The following GRID1 variants were observed in gnomAD, a reference collection of about 807,000 sequenced individuals.
GRID1 encodes glutamate receptor ionotropic, delta-1.
Under a neutral mutation model 98.0 loss-of-function variants are expected in GRID1, and 28 were observed. The ratio of observed to expected loss-of-function variants is 0.29; its 90% CI spans 0.21 to 0.39. GRID1 has a LOEUF of 0.39. Among genes scored for constraint, GRID1 ranks in the 10% least tolerant of loss-of-function variants. The probability of loss-of-function intolerance (pLI) is 1.00; values close to 1 mark genes in which losing one functional copy is unlikely to be tolerated. For missense variants in GRID1, 1,111 were observed against 1,340.5 expected (o/e 0.83, Z 2.67); for synonymous variants, 553 against 538.5 (o/e 1.03, Z -0.37).
At chr10:85,730,402 T>C (rs1400291652) in intron 8 of GRID1, among the ~76,000 whole-genome samples, 1 of 152,178 alleles carries the variant, frequency 6.6e-6, no homozygotes, top group South Asian at 2.1e-4. Context: ...GAAACGATTC[T>C]CGACTATTAA....
chr10:85,687,244 TA>T lies in GRID1; in HGVS notation c.1997+35758del, dbSNP rs570422294. Among the ~76,000 whole-genome samples, 574 of 148,598 alleles carry T rather than the reference TA, an allele frequency of 3.9e-3. 2 individuals carry two copies. Among genetic ancestry groups the T allele is most frequent in the African/African-American group, 0.013 (528 of 40,618 alleles). On this transcript the variant is annotated intron_variant, in intron 12 of 15. Transcript: ENST00000327946. The stretch of plus-strand genomic sequence containing the variant: ...CTATTCATTGTTCCTCAAAGTCAAG[TA>T]AAAAAAAAAGTAATGATTTTATTAA...
intron 8 of GRID1, among the ~76,000 whole-genome samples, chr10:85,762,780 T>A (rs1842159138): frequency 6.6e-6 from 1 of 152,108 alleles, no homozygotes; most frequent in East Asian, 1.9e-4. Context: ...TCAACTCAGT[T>A]TGGAGCGTGG....
chr10:85,729,459 G>T (rs1459054477), intron 9 of GRID1, 54 bp downstream of exon 9: 5 of 1,018,472 alleles, frequency 4.9e-6, no homozygotes, highest in Non-Finnish European at 7.7e-6. Context: ...AGCAGCCTCT[G>T]ATTCAACAGC....
At chr10:86,102,882 G>C (rs1844319246) in intron 4 of GRID1, among the ~76,000 whole-genome samples, 1 of 152,118 alleles carries the variant, frequency 6.6e-6, no homozygotes, top group Admixed American at 6.5e-5. Flanking sequence ...TGAATCATGA[G>C]GGCAGGTTTT....
At chr10:86,306,507 AG>A (rs1734820415) in intron 2 of GRID1, among the ~76,000 whole-genome samples, 1 of 152,254 alleles carries the variant, frequency 6.6e-6, no homozygotes, top group Non-Finnish European at 1.5e-5. Flanking sequence ...ATTTCCAAGT[AG>A]AAACCTGTGG....
intron 8 of GRID1, among the ~76,000 whole-genome samples, chr10:85,775,049 C>A (rs1842315647): frequency 6.6e-6 from 1 of 152,088 alleles, no homozygotes. Context: ...AGGCACTATT[C>A]ACAATAGCAA....
chr10:85,693,619 G>A (rs1841357663), intron 12 of GRID1, among the ~76,000 whole-genome samples: 1 of 152,092 alleles, frequency 6.6e-6, no homozygotes, highest in Non-Finnish European at 1.5e-5. Context: ...AGAGAACATG[G>A]AAATAAAGCC....
chr10:86,338,650 C>T (rs892408477), intron 2 of GRID1, among the ~76,000 whole-genome samples: 8 of 152,098 alleles, frequency 5.3e-5, no homozygotes, highest in Non-Finnish European at 8.8e-5. Flanking sequence ...CTCCGCCTCC[C>T]GGGTTCAAAC....
rs76739576 is a variant in GRID1, at chr10:86,285,701, A to G, written c.235+78240T>C. ...TAGGTGCTGGTGTTGGCATGGCTGT[A>G]GGTCTAGGAATAGGTACAGATTAGA... On this transcript the variant is annotated intron_variant, in intron 2 of 15. Coordinates refer to ENST00000327946, the MANE Select transcript of GRID1 (RefSeq NM_017551.3). 4.3e-3 allele frequency among the ~76,000 whole-genome samples: 652 copies of G among 152,332 alleles called. 5 individuals are homozygous for G. The highest frequency in any genetic ancestry group is 0.015 in the African/African-American group (620 of 41,562).
chr10:85,920,966 C>T (rs780519673), intron 4 of GRID1, among the ~76,000 whole-genome samples: 8 of 152,336 alleles, frequency 5.3e-5, no homozygotes, highest in Admixed American at 2.0e-4. Flanking sequence ...CTCTAAATTG[C>T]TGTGAATCCC....
At chr10:86,030,050 G>C (rs998021597) in intron 4 of GRID1, among the ~76,000 whole-genome samples, 4 of 152,146 alleles carry the variant, frequency 2.6e-5, no homozygotes, top group Non-Finnish European at 5.9e-5. Flanking sequence ...GTAGAATTTT[G>C]CTTAATTCTT....
chr10:85,958,427 G>T lies in GRID1; in HGVS notation c.727-42188C>A, dbSNP rs145574753. 2.2e-3 allele frequency among the ~76,000 whole-genome samples: 339 copies of T among 152,246 alleles called. 2 individuals are homozygous for T. Among genetic ancestry groups the T allele is most frequent in the African/African-American group, 7.8e-3 (322 of 41,536 alleles). On this transcript the variant is annotated intron_variant, in intron 4 of 15. Transcript: ENST00000327946. ...TGTCTATTTGACTGGGCCACAGGGT[G>T]TCCAGACATTTGGCTGAATATTAAT... is the stretch of plus-strand genomic sequence containing the variant.
chr10:85,693,496 A>C (rs1179437188), intron 12 of GRID1, among the ~76,000 whole-genome samples: 4 of 152,200 alleles, frequency 2.6e-5, no homozygotes, highest in Non-Finnish European at 4.4e-5. Context: ...TTGGCTCATC[A>C]ACTGTAACAA....
intron 2 of GRID1, among the ~76,000 whole-genome samples, chr10:86,235,647 G>C (rs919722716): frequency 6.6e-6 from 1 of 152,130 alleles, no homozygotes; most frequent in African/African-American, 2.4e-5. Flanking sequence ...CATACAACAC[G>C]TAGTCTTCTG....
chr10:86,194,700 C>A (rs1485937025), intron 3 of GRID1, among the ~76,000 whole-genome samples: 1 of 152,148 alleles, frequency 6.6e-6, no homozygotes. Context: ...CCTTCCACAT[C>A]TTCCCACTCC....
At chr10:85,856,819 C>A (rs1035761086) in intron 6 of GRID1, among the ~76,000 whole-genome samples, 3 of 152,166 alleles carry the variant, frequency 2.0e-5, no homozygotes, top group Admixed American at 2.0e-4. Flanking sequence ...GCTGGCGGAT[C>A]CTTGGGTTAA....
At chr10:86,344,547 G>A (rs1848355747) in intron 2 of GRID1, among the ~76,000 whole-genome samples, 2 of 152,216 alleles carry the variant, frequency 1.3e-5, no homozygotes, top group Non-Finnish European at 2.9e-5. Context: ...GGCCGTGGTG[G>A]TCTAGCAATG....
intron 2 of GRID1, among the ~76,000 whole-genome samples, chr10:86,240,213 G>A (rs1846604944): frequency 6.6e-6 from 1 of 152,232 alleles, no homozygotes; most frequent in African/African-American, 2.4e-5. Flanking sequence ...AGGAAACTGT[G>A]GCTCAGAAGC....
chr10:85,966,482 C>A (rs1338411647), intron 4 of GRID1, among the ~76,000 whole-genome samples: 26 of 151,938 alleles, frequency 1.7e-4, no homozygotes. Flanking sequence ...TACAGAACCC[C>A]CAGGAAAGGG....
Sources: gnomAD v4.1 joint callset for allele counts (sites outside exome capture counted in the v4.1 genomes callset) on GRCh38, gnomAD v4.1.1 for gene constraint, MANE v1.5 for transcripts, NCBI Gene and HGNC (gene_info 2026-07-23, HGNC 2026-07-21) for gene names.